ANO4: variants seen among roughly 807,000 people sequenced by gnomAD.
ANO4 encodes the protein anoctamin 4, also known as anoctamin-4.
In ANO4, 69 loss-of-function variants were observed where a neutral mutation model predicts 141.9. The ratio of observed to expected loss-of-function variants is 0.49; its 90% CI spans 0.40 to 0.59. The LOEUF is 0.59. Ranked by LOEUF, ANO4 falls within the 20% of genes least tolerant of loss-of-function variation. ANO4 has a pLI of 0.00. For synonymous variants in ANO4, 350 were observed against 394.3 expected (o/e 0.89, Z 1.33); for missense variants, 894 against 1,162.2 (o/e 0.77, Z 3.36).
At chr12:101,043,716 C>G (rs1012717142) in intron 13 of ANO4, 81 bp downstream of exon 13, 6 of 993,942 alleles carry the variant, frequency 6.0e-6, no homozygotes, top group Non-Finnish European at 9.4e-6. Context: ...TCTATTCTGT[C>G]ATTTCCAGTC....
At chr12:100,736,386 A>G (rs1188461072) in intron 2 of ANO4, among the ~76,000 whole-genome samples, 1 of 152,116 alleles carries the variant, frequency 6.6e-6, no homozygotes, top group Non-Finnish European at 1.5e-5. Context: ...ATTTTCCCCC[A>G]TTTTATAAAT....
intron 3 of ANO4, among the ~76,000 whole-genome samples, chr12:100,773,970 A>C (rs7969847): frequency 0.29 from 43,556 of 152,012 alleles, 6,658 homozygotes; most frequent in Non-Finnish European, 0.35. Context: ...AACCATGCTC[A>C]TTTGTTTTCA....
rs144771429 is a variant in ANO4 at position 100,901,823 on chromosome 12, C to T, written c.38C>T (p.Thr13Ile). The T allele has an allele frequency of 1.2e-5, 19 of 1,609,760 alleles. No homozygotes were observed. In the African/African-American group the frequency reaches 2.4e-4, roughly 20 times the overall value. Residue 13 changes from threonine to isoleucine, a missense_variant, in exon 2 of 28, where the codon ACC becomes ATC. Thr to Ile is a moderately conservative substitution (Grantham distance 89). This residue lies in a region of ANO4 where 257 missense variants were observed against 253.0 expected (regional missense o/e 1.02). Transcript: ENST00000392977. ...TCTTCTGGAATCACTAATGGAAAAA[C>T]CAAAGTCTTCCACCCAGGTGATGCA... ...ASSSGITNGK[T>I]KVFHPEGGVD...
chr12:100,979,989 C>T (rs1327667259), intron 7 of ANO4, among the ~76,000 whole-genome samples: 2 of 151,776 alleles, frequency 1.3e-5, no homozygotes, highest in African/African-American at 4.8e-5. Context: ...ATCCTCCCAC[C>T]TTGGCCTCCC....
intron 22 of ANO4, among the ~76,000 whole-genome samples, chr12:101,107,975 C>G (rs1294097370): frequency 2.0e-5 from 3 of 151,930 alleles, no homozygotes; most frequent in Non-Finnish European, 4.4e-5. Flanking sequence ...CTAGCAGAGA[C>G]CTGGTTTTTA....
chr12:100,827,512 A>T (rs1171659027), intron 1 of ANO4, among the ~76,000 whole-genome samples: 1 of 151,966 alleles, frequency 6.6e-6, no homozygotes, highest in East Asian at 1.9e-4. Flanking sequence ...GAAAGTAGGA[A>T]TTTTTTCTGT....
chr12:100,877,499 C>T (rs943382978), intron 1 of ANO4, among the ~76,000 whole-genome samples: 1 of 151,164 alleles, frequency 6.6e-6, no homozygotes, highest in African/African-American at 2.4e-5. Context: ...TGGTTCTAGA[C>T]CACGTGCTTT....
chr12:100,740,316 A>G (rs965431389), intron 3 of ANO4, among the ~76,000 whole-genome samples: 10 of 151,978 alleles, frequency 6.6e-5, no homozygotes, highest in African/African-American at 2.2e-4. Flanking sequence ...GCCTCAAGCA[A>G]TCCCTCCCAC....
chr12:101,101,748 A>G (rs2050195970), intron 22 of ANO4, among the ~76,000 whole-genome samples: 1 of 151,826 alleles, frequency 6.6e-6, no homozygotes, highest in East Asian at 1.9e-4. Context: ...AAGATGAGCT[A>G]TTTTGTGAGT....
chr12:101,113,258 C>T (rs2050731006), intron 24 of ANO4, among the ~76,000 whole-genome samples: 1 of 152,124 alleles, frequency 6.6e-6, no homozygotes, highest in South Asian at 2.1e-4. Flanking sequence ...TCAGTTCTTT[C>T]CCAAATTCAA....
At position 101,083,700 on chromosome 12, in the gene ANO4, A is replaced by C. The variant is rs1171201739; in HGVS notation, c.1418A>C (p.Glu473Ala). Residue 473 changes from glutamate to alanine, a missense_variant, in exon 16 of 28, where the codon GAA becomes GCA. Coordinates refer to ENST00000392977, the MANE Select transcript of ANO4 (RefSeq NM_001286615.2). Reference protein sequence around the residue: ...EEEEEIRPQFEAKYSKKERMN... With the variant: ...EEEEEIRPQFAAKYSKKERMN... ...TAGGAAGAAATACGACCCCAGTTTG[A>C]AGCCAAGTATTCCAAGAAAGAGCGG... 6.2e-7 allele frequency: 1 copy of C among 1,608,602 alleles called. No homozygotes were observed. Among genetic ancestry groups the C allele is most frequent in the Admixed American group, 1.7e-5 (1 of 58,272 alleles).
At chr12:100,984,303 G>T (rs2044614975) in intron 7 of ANO4, among the ~76,000 whole-genome samples, 1 of 152,132 alleles carries the variant, frequency 6.6e-6, no homozygotes. Context: ...CACTATGTTG[G>T]CCAGGCTGGT....
chr12:100,800,108 G>T (rs2034591403), intron 1 of ANO4, among the ~76,000 whole-genome samples: 1 of 152,254 alleles, frequency 6.6e-6, no homozygotes, highest in East Asian at 1.9e-4. Flanking sequence ...GCATTTTTAT[G>T]TTGAAATTCT....
intron 22 of ANO4, among the ~76,000 whole-genome samples, chr12:101,103,605 C>T (rs1266893843): frequency 6.6e-6 from 1 of 151,616 alleles, no homozygotes; most frequent in Admixed American, 6.6e-5. Context: ...ACTTGGGTCA[C>T]CATGCATTTT....
chr12:101,099,032 C>T (rs553620654), intron 21 of ANO4, among the ~76,000 whole-genome samples: 4 of 152,252 alleles, frequency 2.6e-5, no homozygotes, highest in East Asian at 1.9e-4. Context: ...CTTACCAATG[C>T]CGGGTGCATT....
intron 25 of ANO4, among the ~76,000 whole-genome samples, chr12:101,120,217 T>C (rs2051028607): frequency 6.6e-6 from 1 of 152,174 alleles, no homozygotes; most frequent in South Asian, 2.1e-4. Context: ...TTAGTGATCA[T>C]TCACTAAGTG....
intron 17 of ANO4, among the ~76,000 whole-genome samples, chr12:101,090,042 A>G (rs575144116): frequency 2.0e-5 from 3 of 152,206 alleles, no homozygotes; most frequent in Non-Finnish European, 2.9e-5. Context: ...TCAAAACCAC[A>G]ATGAGATACC....
At chr12:100,739,796 A>G (rs1034243250) in intron 2 of ANO4, 19 of 683,502 alleles carry the variant, frequency 2.8e-5, no homozygotes, top group African/African-American at 2.3e-4. Flanking sequence ...AAGTATGAAA[A>G]TAAGCACACT....
At chr12:101,041,915 A>G (rs1045827461) in intron 11 of ANO4, among the ~76,000 whole-genome samples, 4 of 152,114 alleles carry the variant, frequency 2.6e-5, no homozygotes, top group Non-Finnish European at 4.4e-5. Flanking sequence ...CATCTAGGGA[A>G]TGTCATCTCT....
Sources: gnomAD v4.1 joint callset for allele counts (sites outside exome capture counted in the v4.1 genomes callset) on GRCh38, gnomAD v4.1.1 for gene constraint, gnomAD v4.1.1 regional missense constraint, MANE v1.5 for transcripts, NCBI Gene and HGNC (gene_info 2026-07-23, HGNC 2026-07-21) for gene names.